The following LRP1B variants were observed in gnomAD, a reference collection of about 807,000 sequenced individuals.
LRP1B encodes the protein LDL receptor related protein 1B.
Under a neutral mutation model 556.6 loss-of-function variants are expected in LRP1B, and 217 were observed. That is an observed-to-expected ratio of 0.39 (90% CI 0.35 to 0.44). The LOEUF is 0.44. LRP1B is among the 20% of genes least tolerant of loss of function. The probability of loss-of-function intolerance (pLI) is 1.00; values close to 1 mark genes in which losing one functional copy is unlikely to be tolerated. For synonymous variants in LRP1B, 2,047 were observed against 1,865.8 expected (o/e 1.10, Z -2.50); for missense variants, 5,053 against 5,620.8 (o/e 0.90, Z 3.23).
intron 1 of LRP1B, among the ~76,000 whole-genome samples, chr2:142,123,431 G>A (rs976947282): frequency 1.3e-4 from 20 of 152,056 alleles, no homozygotes; most frequent in African/African-American, 3.4e-4. Context: ...AACAAGAGAC[G>A]ATAGGTGGTA....
At position 140,601,085 on chromosome 2, in the gene LRP1B, C is replaced by CA. The variant is rs5834760; in HGVS notation, c.6989+364dup. Among the ~76,000 whole-genome samples, 595 of 135,800 alleles carry CA rather than the reference C, an allele frequency of 4.4e-3. 5 individuals carry two copies. Among genetic ancestry groups the CA allele is most frequent in the African/African-American group, 0.014 (509 of 36,286 alleles). The allele number at this position is 135,800 out of a possible 152,430, so 89.1% of individuals were successfully genotyped here. ...ATGCTATAATTACTTGATTAAAATG[C>CA]AAAAAAAAAAAAAACACTCTTAGTC... is the stretch of plus-strand genomic sequence containing the variant. On this transcript the variant is annotated intron_variant, in intron 42 of 90. Coordinates refer to ENST00000389484, the MANE Select transcript of LRP1B (RefSeq NM_018557.3).
intron 1 of LRP1B, among the ~76,000 whole-genome samples, chr2:141,924,162 C>T (rs111235515): frequency 2.0e-5 from 3 of 151,978 alleles, no homozygotes; most frequent in South Asian, 2.1e-4. Context: ...GAACCCCAGG[C>T]TCCAGGAGAA....
chr2:140,718,825 A>G (rs1470758157), intron 35 of LRP1B, among the ~76,000 whole-genome samples: 1 of 151,890 alleles, frequency 6.6e-6, no homozygotes, highest in African/African-American at 2.4e-5. Context: ...TCCTAAAATA[A>G]AATATTCTTC....
chr2:140,807,856 C>T (rs1019630943), intron 32 of LRP1B, among the ~76,000 whole-genome samples: 2 of 151,802 alleles, frequency 1.3e-5, no homozygotes, highest in African/African-American at 4.8e-5. Context: ...AGATGGGAGG[C>T]CAAGGTGGGT....
At chr2:141,907,511 CTTATTT>C (rs1699791669) in intron 1 of LRP1B, among the ~76,000 whole-genome samples, 1 of 151,782 alleles carries the variant, frequency 6.6e-6, no homozygotes, top group Admixed American at 6.6e-5. Flanking sequence ...TTCTAGCTCT[CTTATTT>C]TTAATTAGAG....
At chr2:141,660,458 A>G (rs1215785079) in intron 2 of LRP1B, among the ~76,000 whole-genome samples, 1 of 152,092 alleles carries the variant, frequency 6.6e-6, no homozygotes, top group Non-Finnish European at 1.5e-5. Context: ...AGCCATCACT[A>G]CAGCTCCAGT....
intron 3 of LRP1B, among the ~76,000 whole-genome samples, chr2:141,274,753 A>T (rs1354286247): frequency 1.3e-5 from 2 of 152,342 alleles, no homozygotes; most frequent in South Asian, 2.1e-4. Context: ...ATACAAAAAA[A>T]CTAGACATTA....
At chr2:141,030,925 T>C (rs573040901) in intron 11 of LRP1B, among the ~76,000 whole-genome samples, 1 of 152,102 alleles carries the variant, frequency 6.6e-6, no homozygotes, top group South Asian at 2.1e-4. Context: ...GGATACACAA[T>C]ATTGTTTTTC....
chr2:141,583,955 G>C (rs1687039649), intron 2 of LRP1B, among the ~76,000 whole-genome samples: 1 of 151,706 alleles, frequency 6.6e-6, no homozygotes, highest in African/African-American at 2.4e-5. Flanking sequence ...AGCCAGGATG[G>C]TCTTGATCTC....
Position 141,254,595 on chromosome 2 carries a change from T to G in LRP1B, c.390A>C (p.Thr130=). Residue 130 remains threonine, a synonymous_variant, in exon 4 of 91, where the codon ACA becomes ACC. Transcript: ENST00000389484. The stretch of plus-strand genomic sequence containing the variant: ...AACATCTTGTACTATTTCTGACCAT[T>G]GTACATTTATACTGACAATTCAGCT... The part of the protein sequence containing the change: ...CQQLNCQYKC[T]MVRNSTRCYC... The G allele has an allele frequency of 3.1e-6, 5 of 1,611,052 alleles. No homozygotes were observed. Among genetic ancestry groups the G allele is most frequent in the Non-Finnish European group, 4.2e-6 (5 of 1,177,806 alleles).
intron 1 of LRP1B, among the ~76,000 whole-genome samples, chr2:141,991,444 T>A (rs561724810): frequency 5.9e-5 from 9 of 152,116 alleles, no homozygotes; most frequent in African/African-American, 1.9e-4. Context: ...AAAATTTCCT[T>A]AACGGAGGAA....
At chr2:140,329,638 A>G (rs1241885148) in intron 79 of LRP1B, among the ~76,000 whole-genome samples, 1 of 152,042 alleles carries the variant, frequency 6.6e-6, no homozygotes, top group Non-Finnish European at 1.5e-5. Context: ...ATGAACTCCC[A>G]TTCACAGTTG....
chr2:141,727,372 T>G (rs1309832909), intron 2 of LRP1B, among the ~76,000 whole-genome samples: 1 of 152,108 alleles, frequency 6.6e-6, no homozygotes, highest in Non-Finnish European at 1.5e-5. Flanking sequence ...TGGAATGCTT[T>G]CCTTACATCA....
At chr2:141,947,145 A>C (rs1010756088) in intron 1 of LRP1B, among the ~76,000 whole-genome samples, 8 of 152,224 alleles carry the variant, frequency 5.3e-5, no homozygotes, top group South Asian at 2.1e-4. Context: ...AAAAAGGTAA[A>C]GGAAGGCCAG....
intron 3 of LRP1B, among the ~76,000 whole-genome samples, chr2:141,284,673 T>A (rs1354757496): frequency 1.3e-5 from 2 of 152,346 alleles, no homozygotes; most frequent in Non-Finnish European, 2.9e-5. Flanking sequence ...GAGTTACATG[T>A]ATTATTTTCC....
chr2:141,477,559 A>G (rs1385943621), intron 3 of LRP1B, among the ~76,000 whole-genome samples: 1 of 152,290 alleles, frequency 6.6e-6, no homozygotes, highest in Middle Eastern at 3.4e-3. Flanking sequence ...TTAAACACAA[A>G]CTATATAAAC....
chr2:140,810,310 T>C lies in LRP1B; in HGVS notation c.5359+3347A>G, dbSNP rs190230206. Among the ~76,000 whole-genome samples, 4 of 152,328 alleles carry C rather than the reference T, an allele frequency of 2.6e-5. No individual in the cohort carries two copies. The East Asian group carries it at 7.7e-4, about 29-fold the overall frequency. ...CCTATGTAGCCTCTTTGGGGAACTA[T>C]CATACATTTGTATATACTAATCACT... is the stretch of plus-strand genomic sequence containing the variant. On this transcript the variant is annotated intron_variant, in intron 32 of 90. Coordinates refer to ENST00000389484, the MANE Select transcript of LRP1B (RefSeq NM_018557.3).
intron 2 of LRP1B, among the ~76,000 whole-genome samples, chr2:141,669,352 C>G (rs916813714): frequency 6.6e-6 from 1 of 152,084 alleles, no homozygotes; most frequent in Non-Finnish European, 1.5e-5. Context: ...CCTGACAACA[C>G]CTTAGTCTCT....
chr2:141,300,734 C>T (rs1686361477), intron 3 of LRP1B, among the ~76,000 whole-genome samples: 2 of 152,272 alleles, frequency 1.3e-5, no homozygotes, highest in East Asian at 3.9e-4. Flanking sequence ...TTTGCTTCCA[C>T]CATGATTGTG....
Sources: allele counts gnomAD v4.1 joint callset (sites outside exome capture counted in the v4.1 genomes callset), GRCh38; gene constraint gnomAD v4.1.1; transcripts MANE v1.5; gene names NCBI Gene and HGNC (gene_info 2026-07-23, HGNC 2026-07-21).